Variants in ATXN1 observed in about 807,000 individuals in gnomAD.
ATXN1 encodes the protein ataxin 1.
In ATXN1, 8 loss-of-function variants were observed where a neutral mutation model predicts 56.4. The ratio of observed to expected loss-of-function variants is 0.14; its 90% CI spans 0.08 to 0.26. The LOEUF (loss-of-function observed/expected upper bound fraction) is 0.26, where lower values mean the gene tolerates loss of function less well. Among genes scored for constraint, ATXN1 ranks in the 10% least tolerant of loss-of-function variants. The pLI, the probability that ATXN1 is intolerant of heterozygous loss-of-function variation, is 1.00. For missense variants in ATXN1, 987 were observed against 1,106.5 expected (o/e 0.89, Z 1.53); for synonymous variants, 514 against 494.6 (o/e 1.04, Z -0.52).
intron 7 of ATXN1, among the ~76,000 whole-genome samples, chr6:16,319,235 C>G (rs1207625022): frequency 6.6e-6 from 1 of 151,838 alleles, no homozygotes; most frequent in Non-Finnish European, 1.5e-5. Context: ...AAAAATGTGC[C>G]TTAAAGAACA....
At chr6:16,531,474 T>TA (rs1761502038) in intron 4 of ATXN1, among the ~76,000 whole-genome samples, 4 of 151,940 alleles carry the variant, frequency 2.6e-5, no homozygotes, top group Admixed American at 2.0e-4. Flanking sequence ...TATACAAAAA[T>TA]GAGCTGGGCG....
At chr6:16,450,104 T>C (rs1340316232) in intron 6 of ATXN1, among the ~76,000 whole-genome samples, 1 of 152,242 alleles carries the variant, frequency 6.6e-6, no homozygotes, top group Non-Finnish European at 1.5e-5. Flanking sequence ...ACTAAAAATA[T>C]TTGTAAACCT....
intron 6 of ATXN1, among the ~76,000 whole-genome samples, chr6:16,468,116 T>C (rs536057090): frequency 8.5e-5 from 13 of 152,358 alleles, no homozygotes; most frequent in African/African-American, 3.1e-4. Flanking sequence ...TACTAAGAAC[T>C]AATAAACTCT....
At chr6:16,396,825 C>G (rs6902665) in intron 6 of ATXN1, among the ~76,000 whole-genome samples, 36,672 of 152,086 alleles carry the variant, frequency 0.24, 4,758 homozygotes, top group Admixed American at 0.33. Context: ...TATTCTATGT[C>G]TAGATGCACA....
chr6:16,530,480 T>C (rs1019345215), intron 4 of ATXN1, among the ~76,000 whole-genome samples: 8 of 152,200 alleles, frequency 5.3e-5, no homozygotes, highest in Non-Finnish European at 8.8e-5. Flanking sequence ...TAGATAAATA[T>C]TGTATCTGGA....
At chr6:16,673,896 C>T (rs372737339) in intron 2 of ATXN1, among the ~76,000 whole-genome samples, 7 of 152,136 alleles carry the variant, frequency 4.6e-5, no homozygotes, top group African/African-American at 7.2e-5. Flanking sequence ...CCATTTGGGA[C>T]GATCAAAAAG....
At chr6:16,674,405 G>A (rs527464418) in intron 2 of ATXN1, among the ~76,000 whole-genome samples, 12 of 135,972 alleles carry the variant, frequency 8.8e-5, no homozygotes, top group African/African-American at 3.1e-4. Flanking sequence ...GCAGTGGTGT[G>A]ATCTCGGCTC....
At chr6:16,510,448 C>G (rs562250614) in intron 5 of ATXN1, among the ~76,000 whole-genome samples, 1 of 152,238 alleles carries the variant, frequency 6.6e-6, no homozygotes, top group Admixed American at 6.5e-5. Flanking sequence ...AATGCTTTAC[C>G]TATATAAAAC....
intron 6 of ATXN1, among the ~76,000 whole-genome samples, chr6:16,361,657 G>T (rs748086596): frequency 6.6e-6 from 1 of 152,164 alleles, no homozygotes; most frequent in East Asian, 1.9e-4. Context: ...TTAATGTTCA[G>T]TAATAAATTT....
chr6:16,715,695 T>A (rs1473909389), intron 2 of ATXN1, among the ~76,000 whole-genome samples: 1 of 152,236 alleles, frequency 6.6e-6, no homozygotes, highest in Admixed American at 6.5e-5. Flanking sequence ...TTGGTATGAA[T>A]GTGCAGGTCC....
chr6:16,467,875 AAAAG>A (rs1224112353), intron 6 of ATXN1, among the ~76,000 whole-genome samples: 1 of 152,236 alleles, frequency 6.6e-6, no homozygotes, highest in Non-Finnish European at 1.5e-5. Flanking sequence ...CAAGAAGACC[AAAAG>A]ATTGTCTGAA....
chr6:16,327,633 GTGCTGCTGCTGCTGCTGC>G lies in ATXN1; in HGVS notation c.660_677del (p.Gln220_Gln225del), dbSNP rs751421308. 239 of 1,451,632 alleles carry G rather than the reference GTGCTGCTGCTGCTGCTGC, an allele frequency of 1.6e-4. 2 individuals carry two copies. The highest frequency in any genetic ancestry group is 9.5e-4 in the Middle Eastern group (5 of 5,254). 89.9% of individuals were successfully genotyped at this position (1,451,632 alleles called of 1,614,324 possible). On this transcript the variant is annotated inframe_deletion, in exon 7 of 8. Transcript: ENST00000436367. ...TGATGAGCCCCGGAGCCCTGCTGAG[GTGCTGCTGCTGCTGCTGC>G]TGCTGCTGCTGCTGCTGCTGCTGCT...
intron 5 of ATXN1, among the ~76,000 whole-genome samples, chr6:16,492,553 C>T (rs1760689973): frequency 5.2e-5 from 2 of 38,726 alleles, no homozygotes; most frequent in South Asian, 3.6e-3. Flanking sequence ...TAATACAATA[C>T]ATTTCTTTTT....
At chr6:16,735,685 AAT>A (rs1760105083) in intron 2 of ATXN1, among the ~76,000 whole-genome samples, 1 of 152,226 alleles carries the variant, frequency 6.6e-6, no homozygotes, top group Admixed American at 6.5e-5. Flanking sequence ...GAGTTCACAA[AAT>A]ACATTAAGTC....
At chr6:16,600,732 G>A (rs998157362) in intron 3 of ATXN1, among the ~76,000 whole-genome samples, 1 of 152,146 alleles carries the variant, frequency 6.6e-6, no homozygotes, top group East Asian at 1.9e-4. Context: ...ATGTTTGTTT[G>A]GAATAAATGA....
intron 2 of ATXN1, among the ~76,000 whole-genome samples, chr6:16,710,169 T>G (rs566074257): frequency 2.2e-4 from 34 of 152,198 alleles, no homozygotes; most frequent in Non-Finnish European, 1.0e-4. Context: ...CCTGGTTATA[T>G]AAATAATTTG....
intron 3 of ATXN1, among the ~76,000 whole-genome samples, chr6:16,621,448 C>T (rs1763318372): frequency 6.6e-6 from 1 of 152,162 alleles, no homozygotes; most frequent in South Asian, 2.1e-4. Context: ...AAGGCCAGGC[C>T]CGGCGGCTCA....
At chr6:16,698,699 C>CCAA (rs990964931) in intron 2 of ATXN1, among the ~76,000 whole-genome samples, 17 of 147,998 alleles carry the variant, frequency 1.1e-4, no homozygotes, top group Non-Finnish European at 2.4e-4. Context: ...AAAGACATGA[C>CCAA]CAATGAAGGA....
At chr6:16,448,563 C>A (rs1052354712) in intron 6 of ATXN1, among the ~76,000 whole-genome samples, 1 of 152,188 alleles carries the variant, frequency 6.6e-6, no homozygotes, top group Non-Finnish European at 1.5e-5. Flanking sequence ...CATTAACTGA[C>A]TTCTCTTCAT....
Sources: allele counts gnomAD v4.1 joint callset (sites outside exome capture counted in the v4.1 genomes callset), GRCh38; gene constraint gnomAD v4.1.1; transcripts MANE v1.5; gene names NCBI Gene and HGNC (gene_info 2026-07-23, HGNC 2026-07-21).